Variants in TRAM2 observed in about 807,000 individuals in gnomAD.
The protein encoded by TRAM2 is translocating chain-associated membrane protein 2.
Under a neutral mutation model 51.0 loss-of-function variants are expected in TRAM2, and 12 were observed. That is an observed-to-expected ratio of 0.24 (90% confidence interval 0.15 to 0.38). The LOEUF is 0.38. Ranked by LOEUF, TRAM2 falls within the 10% of genes least tolerant of loss-of-function variation. The pLI is 1.00. For synonymous variants in TRAM2, 175 were observed against 179.4 expected (o/e 0.98, Z 0.20); for missense variants, 361 against 462.0 (o/e 0.78, Z 2.00).
chr6:52,524,616 A>C (rs1766739883), intron 2 of TRAM2: 1 of 152,230 alleles, frequency 6.6e-6, no homozygotes. Context: ...AGAGCTGTAC[A>C]GGAAAGTGTT....
intron 1 of TRAM2, among the ~76,000 whole-genome samples, chr6:52,551,638 A>G (rs1767311328): frequency 6.6e-6 from 1 of 152,216 alleles, no homozygotes; most frequent in Non-Finnish European, 1.5e-5. Flanking sequence ...CTCTGGCACC[A>G]GCTGGGGTTT....
At chr6:52,528,483 C>T (rs1766823843) in intron 2 of TRAM2, among the ~76,000 whole-genome samples, 1 of 152,070 alleles carries the variant, frequency 6.6e-6, no homozygotes, top group Non-Finnish European at 1.5e-5. Flanking sequence ...ACACTAATTC[C>T]TGCCAACCAG....
intron 1 of TRAM2, among the ~76,000 whole-genome samples, chr6:52,571,440 C>T (rs1021791391): frequency 2.6e-5 from 4 of 152,202 alleles, no homozygotes; most frequent in Non-Finnish European, 5.9e-5. Context: ...CCGGTCCGGA[C>T]AGCGCCCTCG....
chr6:52,555,887 T>C (rs1767396332), intron 1 of TRAM2, among the ~76,000 whole-genome samples: 1 of 152,216 alleles, frequency 6.6e-6, no homozygotes, highest in African/African-American at 2.4e-5. Context: ...GGAAGAGCTA[T>C]AGGAGATCTG....
intron 5 of TRAM2, among the ~76,000 whole-genome samples, 168 bp from the exon 6 acceptor site, chr6:52,508,486 G>A (rs1766391049): frequency 6.6e-6 from 1 of 152,218 alleles, no homozygotes; most frequent in Admixed American, 6.5e-5. Context: ...CTGGGACCCT[G>A]GCTTCTCCAT....
intron 1 of TRAM2, among the ~76,000 whole-genome samples, chr6:52,552,219 C>T (rs1300080353): frequency 6.6e-6 from 1 of 152,234 alleles, no homozygotes; most frequent in Non-Finnish European, 1.5e-5. Flanking sequence ...GGCTCCTCCC[C>T]CATGCAAAGC....
intron 1 of TRAM2, among the ~76,000 whole-genome samples, chr6:52,558,672 T>G (rs946038219): frequency 3.3e-5 from 5 of 151,864 alleles, no homozygotes; most frequent in Non-Finnish European, 7.4e-5. Context: ...GTAGGTGGAG[T>G]AATTTGAGTT....
chr6:52,540,735 T>A (rs1193675099), intron 1 of TRAM2, among the ~76,000 whole-genome samples: 4 of 152,222 alleles, frequency 2.6e-5, no homozygotes, highest in Non-Finnish European at 5.9e-5. Context: ...AAAAATGTCA[T>A]TCCAATTATT....
intron 2 of TRAM2, chr6:52,522,979 C>T: frequency 1.4e-6 from 1 of 696,450 alleles, no homozygotes; most frequent in Admixed American, 2.1e-5. Context: ...ACAACCTGAG[C>T]TGGTGTCCAC....
chr6:52,576,532 T>C (rs1463126038), intron 1 of TRAM2, among the ~76,000 whole-genome samples: 1 of 152,138 alleles, frequency 6.6e-6, no homozygotes, highest in Non-Finnish European at 1.5e-5. Context: ...GTTTCAGGGC[T>C]GCAGACAGAG....
chr6:52,550,926 T>C (rs1767298137), intron 1 of TRAM2, among the ~76,000 whole-genome samples: 1 of 152,172 alleles, frequency 6.6e-6, no homozygotes, highest in Non-Finnish European at 1.5e-5. Context: ...GTACTACCCC[T>C]CATGAAACGC....
At position 52,559,660 on chromosome 6, in the gene TRAM2, C is replaced by T. The variant is rs527980629; in HGVS notation, c.120+17136G>A. 2.8e-4 allele frequency among the ~76,000 whole-genome samples: 42 copies of T among 152,302 alleles called. 1 individual carries two copies. The highest frequency in any genetic ancestry group is 7.2e-4 in the African/African-American group (30 of 41,564). On this transcript the variant is annotated intron_variant, in intron 1 of 10. Transcript: ENST00000182527. ...TAAACTGTGAAGTGCTCTATAAATG[C>T]TACCTATTCTTTAAGGCCCAAGTCA...
chr6:52,547,166 G>C (rs925575000), intron 1 of TRAM2, among the ~76,000 whole-genome samples: 1 of 152,162 alleles, frequency 6.6e-6, no homozygotes, highest in Admixed American at 6.5e-5. Flanking sequence ...AGTCAGGGAG[G>C]TGCGGGAGAA....
At chr6:52,526,841 G>A (rs756502802) in intron 2 of TRAM2, among the ~76,000 whole-genome samples, 9 of 152,134 alleles carry the variant, frequency 5.9e-5, no homozygotes, top group South Asian at 2.1e-4. Context: ...ATACAACATC[G>A]CCTGGGCATG....
chr6:52,556,410 A>G (rs1767406693), intron 1 of TRAM2, among the ~76,000 whole-genome samples: 1 of 151,900 alleles, frequency 6.6e-6, no homozygotes, highest in Non-Finnish European at 1.5e-5. Context: ...CCTCCCAAGT[A>G]GCTGGAAGTA....
intron 1 of TRAM2, among the ~76,000 whole-genome samples, chr6:52,560,070 G>A (rs1475660249): frequency 6.6e-6 from 1 of 151,930 alleles, no homozygotes; most frequent in African/African-American, 2.4e-5. Context: ...GTGAAACCCC[G>A]TCTCTATTAA....
chr6:52,558,126 T>C (rs1562487958), intron 1 of TRAM2, among the ~76,000 whole-genome samples: 1 of 152,166 alleles, frequency 6.6e-6, no homozygotes, highest in Non-Finnish European at 1.5e-5. Flanking sequence ...TGGGCTCAGC[T>C]ATAGAGCACA....
chr6:52,518,240 G>A (rs1254493926), intron 2 of TRAM2, among the ~76,000 whole-genome samples: 1 of 152,116 alleles, frequency 6.6e-6, no homozygotes, highest in Non-Finnish European at 1.5e-5. Context: ...TTGGAACTCG[G>A]GGACCAGCAG....
intron 2 of TRAM2, among the ~76,000 whole-genome samples, chr6:52,532,512 G>A (rs1766910809): frequency 6.6e-6 from 1 of 152,090 alleles, no homozygotes; most frequent in African/African-American, 2.4e-5. Context: ...AGTATTAAAT[G>A]ACAGAAGGTA....
Sources: allele counts gnomAD v4.1 joint callset (sites outside exome capture counted in the v4.1 genomes callset), GRCh38; gene constraint gnomAD v4.1.1; transcripts MANE v1.5; gene names NCBI Gene and HGNC (gene_info 2026-07-23, HGNC 2026-07-21).